Variants in ADGRL4 observed in about 807,000 individuals in gnomAD.
ADGRL4 encodes adhesion G protein-coupled receptor L4.
In ADGRL4, 90 loss-of-function variants were observed where a neutral mutation model predicts 74.8. The observed-to-expected ratio is 1.20, with a 90% confidence interval of 1.02 to 1.43. ADGRL4 has a LOEUF of 1.43. ADGRL4 is among the 40% of genes most tolerant of loss of function. ADGRL4 has a pLI of 0.00. For missense variants in ADGRL4, 881 were observed against 814.3 expected (o/e 1.08, Z -1.00); for synonymous variants, 311 against 279.2 (o/e 1.11, Z -1.14).
intron 3 of ADGRL4, among the ~76,000 whole-genome samples, chr1:78,941,915 C>T (rs1353130688): frequency 6.6e-6 from 1 of 152,042 alleles, no homozygotes. Flanking sequence ...AAGACACCTT[C>T]TAGGCCCGGC....
intron 12 of ADGRL4, among the ~76,000 whole-genome samples, chr1:78,917,282 GC>G (rs1296890930): frequency 6.6e-6 from 1 of 151,554 alleles, no homozygotes; most frequent in Non-Finnish European, 1.5e-5. Flanking sequence ...TTACTGATAA[GC>G]AAAAAATGCT....
At chr1:78,928,049 T>G (rs1421508795) in intron 7 of ADGRL4, among the ~76,000 whole-genome samples, 1 of 151,474 alleles carries the variant, frequency 6.6e-6, no homozygotes, top group African/African-American at 2.5e-5. Flanking sequence ...GATGAGGGCC[T>G]GAGGCAGGAC....
At chr1:78,995,777 T>C (rs1436008811) in intron 2 of ADGRL4, among the ~76,000 whole-genome samples, 2 of 152,240 alleles carry the variant, frequency 1.3e-5, no homozygotes, top group Non-Finnish European at 2.9e-5. Context: ...CTGCTCATTT[T>C]AGGGAAACTA....
At chr1:78,919,301 A>G (rs529887735) in intron 10 of ADGRL4, among the ~76,000 whole-genome samples, 1 of 152,044 alleles carries the variant, frequency 6.6e-6, no homozygotes, top group South Asian at 2.1e-4. Context: ...CTTCAGCCGC[A>G]GCTGTAGGAA....
At chr1:78,945,399 T>A (rs1649579610) in intron 3 of ADGRL4, among the ~76,000 whole-genome samples, 1 of 151,834 alleles carries the variant, frequency 6.6e-6, no homozygotes. Context: ...TTTTGTAGAT[T>A]ACCAATCATA....
At chr1:78,999,286 CAG>C (rs1650786183) in intron 2 of ADGRL4, among the ~76,000 whole-genome samples, 1 of 152,098 alleles carries the variant, frequency 6.6e-6, no homozygotes, top group Admixed American at 6.5e-5. Flanking sequence ...AATTTGGACT[CAG>C]TGATTTTGGG....
chr1:78,965,596 T>A (rs926754272), intron 2 of ADGRL4, among the ~76,000 whole-genome samples: 1 of 152,214 alleles, frequency 6.6e-6, no homozygotes, highest in African/African-American at 2.4e-5. Context: ...GACCAATATC[T>A]GGATATAACA....
At chr1:78,975,229 G>T (rs1391369746) in intron 2 of ADGRL4, among the ~76,000 whole-genome samples, 4 of 151,982 alleles carry the variant, frequency 2.6e-5, no homozygotes, top group African/African-American at 9.7e-5. Flanking sequence ...TAGTGAGTGG[G>T]ACCAAAATGA....
intron 3 of ADGRL4, among the ~76,000 whole-genome samples, chr1:78,942,671 GT>G (rs61271461): frequency 0.074 from 11,284 of 152,168 alleles, 628 homozygotes; most frequent in East Asian, 0.33. Flanking sequence ...GCTCACACCT[GT>G]AATCCCAGCA....
At chr1:78,953,272 A>G (rs1649767206) in intron 2 of ADGRL4, among the ~76,000 whole-genome samples, 1 of 152,202 alleles carries the variant, frequency 6.6e-6, no homozygotes, top group South Asian at 2.1e-4. Flanking sequence ...ATGCTCTTAC[A>G]GTATCTCTGG....
chr1:78,913,782 T>TAAATA (rs1161247920), intron 12 of ADGRL4, among the ~76,000 whole-genome samples: 1 of 151,758 alleles, frequency 6.6e-6, no homozygotes, highest in Non-Finnish European at 1.5e-5. Flanking sequence ...AAATAAAAGT[T>TAAATA]AAATAAAATA....
At chr1:78,977,152 T>C (rs1650302525) in intron 2 of ADGRL4, among the ~76,000 whole-genome samples, 3 of 151,688 alleles carry the variant, frequency 2.0e-5, no homozygotes, top group South Asian at 2.1e-4. Context: ...ATTCACTATA[T>C]TGACAAAATG....
chr1:78,951,690 T>C (rs1341141108), intron 2 of ADGRL4, among the ~76,000 whole-genome samples: 1 of 152,222 alleles, frequency 6.6e-6, no homozygotes, highest in African/African-American at 2.4e-5. Context: ...TGATATTGTC[T>C]TCATTTTACT....
At chr1:78,945,090 G>C (rs1041129830) in intron 3 of ADGRL4, among the ~76,000 whole-genome samples, 1 of 150,714 alleles carries the variant, frequency 6.6e-6, no homozygotes, top group African/African-American at 2.4e-5. Flanking sequence ...GCTTGAACCT[G>C]GGAGGCAGAG....
At chr1:78,898,471 G>A (rs1023553507) in intron 12 of ADGRL4, among the ~76,000 whole-genome samples, 25 of 151,750 alleles carry the variant, frequency 1.6e-4, no homozygotes, top group African/African-American at 5.8e-4. Flanking sequence ...GATAACTAAT[G>A]ATTTGTAAAT....
intron 2 of ADGRL4, among the ~76,000 whole-genome samples, chr1:78,991,356 G>A (rs762696124): frequency 1.3e-5 from 2 of 151,968 alleles, no homozygotes; most frequent in African/African-American, 4.8e-5. Context: ...ATATTTTGGC[G>A]TTCTTTGTGC....
At chr1:78,982,633 A>G (rs1027017425) in intron 2 of ADGRL4, among the ~76,000 whole-genome samples, 4 of 151,958 alleles carry the variant, frequency 2.6e-5, no homozygotes, top group African/African-American at 9.7e-5. Flanking sequence ...AGATAATCTC[A>G]ATACCCTTCT....
intron 7 of ADGRL4, 31 bp downstream of exon 7, chr1:78,936,264 T>C (rs753504470): frequency 6.4e-7 from 1 of 1,571,852 alleles, no homozygotes; most frequent in Non-Finnish European, 8.6e-7. Context: ...AATTCATTGA[T>C]ATATTGTCTG....
At chr1:78,917,316 A>G (rs1003832381) in intron 12 of ADGRL4, among the ~76,000 whole-genome samples, 6 of 151,796 alleles carry the variant, frequency 4.0e-5, no homozygotes, top group African/African-American at 1.5e-4. Flanking sequence ...TTATGCAGAC[A>G]TCTATACTCC....
Sources: allele counts gnomAD v4.1 joint callset (sites outside exome capture counted in the v4.1 genomes callset), GRCh38; gene constraint gnomAD v4.1.1; transcripts MANE v1.5; gene names NCBI Gene and HGNC (gene_info 2026-07-23, HGNC 2026-07-21).